The following PHF2 variants were observed in gnomAD, a reference collection of about 807,000 sequenced individuals.
PHF2 encodes the protein lysine-specific demethylase PHF2.
In PHF2, 27 loss-of-function variants were observed where a neutral mutation model predicts 120.5. That is an observed-to-expected ratio of 0.22 (90% CI 0.17 to 0.31). The LOEUF (loss-of-function observed/expected upper bound fraction) is 0.31, where lower values mean the gene tolerates loss of function less well. Ranked by LOEUF, PHF2 falls within the 10% of genes least tolerant of loss-of-function variation. The pLI, the probability that PHF2 is intolerant of heterozygous loss-of-function variation, is 1.00. For missense variants in PHF2, 1,024 were observed against 1,434.8 expected (o/e 0.71, Z 4.63); for synonymous variants, 568 against 592.5 (o/e 0.96, Z 0.60).
chr9:93,674,642 C>G (rs975045416), intron 18 of PHF2, among the ~76,000 whole-genome samples: 1 of 152,154 alleles, frequency 6.6e-6, no homozygotes, highest in African/African-American at 2.4e-5. Context: ...CTTGCAGGCA[C>G]TGGGGCTAGG....
chr9:93,643,389 G>C (rs983485516), intron 3 of PHF2, among the ~76,000 whole-genome samples: 3 of 152,156 alleles, frequency 2.0e-5, no homozygotes, highest in Admixed American at 6.5e-5. Context: ...GTTGCTTTCA[G>C]AGCTTCCTTT....
chr9:93,636,624 T>C (rs1380235333), intron 3 of PHF2, 99 bp downstream of exon 3: 1 of 903,996 alleles, frequency 1.1e-6, no homozygotes, highest in Non-Finnish European at 1.7e-6. Context: ...CTTCCTTTGC[T>C]ATCCTTGCTG....
chr9:93,670,851 A>G (rs1176609824), intron 17 of PHF2, among the ~76,000 whole-genome samples: 1 of 152,108 alleles, frequency 6.6e-6, no homozygotes, highest in South Asian at 2.1e-4. Flanking sequence ...GATGCGAGAC[A>G]GGCTGGGCGC....
At chr9:93,641,477 A>G (rs375793110) in intron 3 of PHF2, among the ~76,000 whole-genome samples, 1 of 152,078 alleles carries the variant, frequency 6.6e-6, no homozygotes, top group East Asian at 1.9e-4. Context: ...TGTTTGCCCT[A>G]TGAGCTCAAT....
chr9:93,660,342 C>T lies in PHF2; in HGVS notation c.1480C>T (p.Pro494Ser), dbSNP rs767267883. The change falls in exon 12 of 22, where the codon CCC (proline) becomes TCC (serine). Residue 494 changes from proline (P) to serine (S), a missense_variant. Around this residue, in one of 2 missense-constraint regions of PHF2, gnomAD observed 677 missense variants for 857.4 expected, o/e 0.79. Transcript: ENST00000359246. ...GGAGAAAGTGTCCAAAAAAAAGACT[C>T]CCAAAACTGTGAAGATGCCCAAGCC... ...LLEKVSKKKTPKTVKMPKPSK... is the reference protein window; with the variant it reads ...LLEKVSKKKTSKTVKMPKPSK... 1.2e-6 allele frequency: 2 copies of T among 1,605,872 alleles called. No homozygotes were observed. Among genetic ancestry groups the T allele is most frequent in the South Asian group, 2.2e-5 (2 of 89,726 alleles).
chr9:93,662,886 C>A, intron 12 of PHF2, 21 bp from the exon 13 acceptor site: 1 of 1,613,316 alleles, frequency 6.2e-7, no homozygotes, highest in South Asian at 1.1e-5. Context: ...GCCTCTGGGT[C>A]ACAGCAGCCC....
At chr9:93,655,013 A>T (rs554876897) in intron 7 of PHF2, among the ~76,000 whole-genome samples, 2 of 152,196 alleles carry the variant, frequency 1.3e-5, no homozygotes, top group Non-Finnish European at 2.9e-5. Flanking sequence ...AATTAAGACA[A>T]TAGTAGGGGA....
chr9:93,666,016 C>T lies in PHF2; in HGVS notation c.2143C>T (p.Pro715Ser). The part of the protein sequence containing the change: ...SFLLDKKAVL[P>S]TPVTKPKLDS... The stretch of plus-strand genomic sequence containing the variant: ...CTTGTTGGATAAGAAGGCTGTGCTG[C>T]CCACGCCTGTCACGAAGCCAAAGCT... Residue 715 changes from proline to serine, a missense_variant, in exon 16 of 22, where the codon CCC (proline) becomes TCC (serine). Physicochemically the swap from Pro to Ser is moderately conservative, Grantham distance 74. Transcript: ENST00000359246. The T allele has an allele frequency of 1.2e-6, 2 of 1,613,496 alleles. No homozygotes were observed. The highest frequency in any genetic ancestry group is 1.7e-4 in the Middle Eastern group (1 of 6,060).
chr9:93,674,820 C>T (rs1009369979), intron 18 of PHF2, 107 bp from the exon 19 acceptor site: 2 of 747,342 alleles, frequency 2.7e-6, no homozygotes, highest in Non-Finnish European at 4.7e-6. Context: ...AGTGTAGGCC[C>T]TGGGGTTGCT....
At chr9:93,653,455 C>T (rs1343371261) in intron 6 of PHF2, 90 bp downstream of exon 6, 5 of 1,335,130 alleles carry the variant, frequency 3.7e-6, no homozygotes, top group Admixed American at 1.8e-5. Context: ...CCTGATTGGC[C>T]AGGATGCGAC....
chr9:93,630,665 C>T (rs974181613), intron 2 of PHF2, among the ~76,000 whole-genome samples: 12 of 152,282 alleles, frequency 7.9e-5, no homozygotes, highest in Middle Eastern at 3.4e-3. Context: ...AGGCTTGGTT[C>T]ACCCTGTGCA....
chr9:93,610,675 T>TA (rs200091340), intron 1 of PHF2, among the ~76,000 whole-genome samples: 2,437 of 151,566 alleles, frequency 0.016, 67 homozygotes, highest in African/African-American at 0.054. Context: ...TGTTTTGTAG[T>TA]AAAAAAAAAT....
intron 5 of PHF2, among the ~76,000 whole-genome samples, chr9:93,650,589 G>A (rs1826352109): frequency 6.6e-6 from 1 of 152,062 alleles, no homozygotes; most frequent in African/African-American, 2.4e-5. Flanking sequence ...CACTGGGTGG[G>A]GCATCCTCTG....
In PHF2 at chr9:93,673,837, T is replaced by G. The variant is rs1261508032; in HGVS notation, c.2601T>G (p.Asp867Glu). The change falls in exon 18 of 22, where the codon GAT (aspartate) becomes GAG (glutamate). Residue 867 changes from aspartate (D) to glutamate (E), a missense_variant. Around this residue, in one of 2 missense-constraint regions of PHF2, gnomAD observed 677 missense variants for 857.4 expected, o/e 0.79. Coordinates refer to ENST00000359246, the MANE Select transcript of PHF2 (RefSeq NM_005392.4). ...ACGAGGAAGAGCAGGACCACCTGGATGCCTGCTTCAAGGACTCAGACTACG... is the reference window on the plus strand; with the variant it reads ...ACGAGGAAGAGCAGGACCACCTGGAGGCCTGCTTCAAGGACTCAGACTACG... Reference protein sequence around the residue: ...DDYEEEQDHLDACFKDSDYVY... With the variant: ...DDYEEEQDHLEACFKDSDYVY... 1 of 1,601,728 alleles carries G rather than the reference T, an allele frequency of 6.2e-7. No homozygotes were observed. Among genetic ancestry groups the G allele is most frequent in the African/African-American group, 1.3e-5 (1 of 74,762 alleles).
At position 93,654,606 on chromosome 9, in the gene PHF2, C is replaced by T. The variant is rs779467301; in HGVS notation, c.952+31C>T. 6.3e-6 allele frequency: 10 copies of T among 1,599,852 alleles called. No homozygotes were observed. The South Asian group carries it at 9.9e-5, about 16-fold the overall frequency. On this transcript the variant is annotated intron_variant, in intron 7 of 21. Coordinates refer to ENST00000359246, the MANE Select transcript of PHF2 (RefSeq NM_005392.4). ...TGCGGGCAGCTTTGGGGACCATGTA[C>T]TAGGGCTTGCCGGCCCTCATCAAGC...
intron 1 of PHF2, among the ~76,000 whole-genome samples, chr9:93,606,365 A>T (rs1212541869): frequency 6.6e-6 from 1 of 152,176 alleles, no homozygotes; most frequent in Non-Finnish European, 1.5e-5. Context: ...GTGTTGCTCT[A>T]CATCCTTGTC....
At chr9:93,668,054 A>G (rs1303854790) in intron 17 of PHF2, among the ~76,000 whole-genome samples, 3 of 152,234 alleles carry the variant, frequency 2.0e-5, no homozygotes, top group African/African-American at 7.2e-5. Context: ...GGCTTGGGCA[A>G]GGTAGATGAA....
chr9:93,668,436 CAG>C (rs919547323), intron 17 of PHF2, among the ~76,000 whole-genome samples: 1 of 152,122 alleles, frequency 6.6e-6, no homozygotes, highest in African/African-American at 2.4e-5. Flanking sequence ...TGACTGGCCT[CAG>C]GGGCAGGAGA....
intron 3 of PHF2, among the ~76,000 whole-genome samples, chr9:93,642,246 G>A (rs1212499865): frequency 2.6e-5 from 4 of 152,152 alleles, no homozygotes; most frequent in Non-Finnish European, 4.4e-5. Flanking sequence ...GACTGTTTTG[G>A]TCATCTGAGT....
Sources: allele counts gnomAD v4.1 joint callset (sites outside exome capture counted in the v4.1 genomes callset), GRCh38; gene constraint gnomAD v4.1.1; regional missense constraint gnomAD v4.1.1; transcripts MANE v1.5; gene names NCBI Gene and HGNC (gene_info 2026-07-23, HGNC 2026-07-21).